NELL1: variants seen among roughly 807,000 people sequenced by gnomAD.
NELL1 encodes neural EGFL like 1, also known as protein kinase C-binding protein NELL1.
NELL1 carries 76 observed loss-of-function variants against 107.4 expected under a neutral mutation model. The observed-to-expected ratio is 0.71, with a 90% CI of 0.59 to 0.86. The LOEUF (loss-of-function observed/expected upper bound fraction) is 0.86, where lower values mean the gene tolerates loss of function less well. Ranked by LOEUF, NELL1 falls within the 40% of genes least tolerant of loss-of-function variation. The pLI is 0.00. For synonymous variants in NELL1, 353 were observed against 341.2 expected (o/e 1.03, Z -0.38); for missense variants, 1,024 against 1,005.5 (o/e 1.02, Z -0.25).
chr11:20,998,707 C>T (rs1852149277), intron 12 of NELL1, among the ~76,000 whole-genome samples: 1 of 152,166 alleles, frequency 6.6e-6, no homozygotes, highest in African/African-American at 2.4e-5. Context: ...TTCCATCTTC[C>T]TGCTGGTCAG....
At chr11:21,317,085 T>G (rs1185796511) in intron 14 of NELL1, among the ~76,000 whole-genome samples, 2 of 152,102 alleles carry the variant, frequency 1.3e-5, no homozygotes, top group African/African-American at 2.4e-5. Context: ...GAATTGATAA[T>G]AAGAATCATA....
intron 13 of NELL1, among the ~76,000 whole-genome samples, chr11:21,209,529 A>C (rs960098604): frequency 4.0e-5 from 6 of 151,892 alleles, no homozygotes; most frequent in Non-Finnish European, 8.8e-5. Context: ...CCTTCTTAAC[A>C]TATGGACAGA....
chr11:21,304,160 G>T (rs1349404667), intron 14 of NELL1, among the ~76,000 whole-genome samples: 1 of 151,980 alleles, frequency 6.6e-6, no homozygotes, highest in African/African-American at 2.4e-5. Context: ...ACTGATCATG[G>T]TTATAATACA....
chr11:21,429,111 C>T (rs1219157820), intron 15 of NELL1, among the ~76,000 whole-genome samples: 1 of 152,114 alleles, frequency 6.6e-6, no homozygotes, highest in Non-Finnish European at 1.5e-5. Context: ...TTTTAAGGCA[C>T]TAATGTGAAT....
At chr11:20,788,320 CA>C (rs1857008920) in intron 3 of NELL1, among the ~76,000 whole-genome samples, 1 of 152,226 alleles carries the variant, frequency 6.6e-6, no homozygotes, top group Admixed American at 6.5e-5. Flanking sequence ...TTCCCCGAAG[CA>C]GCGTTTGAGG....
At chr11:21,398,371 C>T (rs746366043) in intron 15 of NELL1, among the ~76,000 whole-genome samples, 1 of 151,660 alleles carries the variant, frequency 6.6e-6, no homozygotes, top group Non-Finnish European at 1.5e-5. Context: ...AATCTGAAAA[C>T]CTTGTGTGAT....
intron 9 of NELL1, among the ~76,000 whole-genome samples, chr11:20,933,864 C>A (rs140428047): frequency 6.6e-6 from 1 of 152,168 alleles, no homozygotes; most frequent in Non-Finnish European, 1.5e-5. Flanking sequence ...CTGCATAACT[C>A]TTTATATCCT....
chr11:21,425,914 G>A (rs1311341702), intron 15 of NELL1, among the ~76,000 whole-genome samples: 6 of 152,212 alleles, frequency 3.9e-5, no homozygotes, highest in Non-Finnish European at 8.8e-5. Context: ...ATCAAGAAAC[G>A]AGCAGTATAA....
At chr11:21,140,212 G>T (rs1475451957) in intron 13 of NELL1, among the ~76,000 whole-genome samples, 1 of 152,106 alleles carries the variant, frequency 6.6e-6, no homozygotes, top group East Asian at 1.9e-4. Context: ...ATGTGTGTGG[G>T]CACCCTAATG....
intron 13 of NELL1, among the ~76,000 whole-genome samples, chr11:21,122,808 TA>T (rs937972077): frequency 7.9e-5 from 12 of 151,144 alleles, no homozygotes; most frequent in Middle Eastern, 3.4e-3. Context: ...CTGAAAGAAT[TA>T]AAAAAAAACA....
At chr11:20,971,671 ACCTGGCTTAGAAAT>A (rs1851504551) in intron 12 of NELL1, among the ~76,000 whole-genome samples, 1 of 152,200 alleles carries the variant, frequency 6.6e-6, no homozygotes, top group African/African-American at 2.4e-5. Flanking sequence ...GATTTGGGGT[ACCTGGCTTAGAAAT>A]CCTGGCTTTA....
chr11:20,821,450 A>C (rs1253954744), intron 3 of NELL1, among the ~76,000 whole-genome samples: 1 of 152,164 alleles, frequency 6.6e-6, no homozygotes, highest in East Asian at 1.9e-4. Flanking sequence ...TTCTGCAGTG[A>C]CATTATCAGC....
At chr11:20,849,966 G>T (rs1339050920) in intron 4 of NELL1, among the ~76,000 whole-genome samples, 2 of 152,150 alleles carry the variant, frequency 1.3e-5, no homozygotes, top group Non-Finnish European at 2.9e-5. Context: ...TTCCATGCGG[G>T]CAGTCTACCC....
intron 13 of NELL1, among the ~76,000 whole-genome samples, chr11:21,117,515 T>A (rs1022949509): frequency 1.2e-4 from 19 of 152,032 alleles, no homozygotes; most frequent in Admixed American, 2.6e-4. Flanking sequence ...ATTGCTCACA[T>A]CTGTCGTACC....
chr11:20,676,544 A>C (rs914052229), intron 1 of NELL1, among the ~76,000 whole-genome samples: 1 of 152,226 alleles, frequency 6.6e-6, no homozygotes, highest in Non-Finnish European at 1.5e-5. Context: ...GAAACTGAGA[A>C]GGCAGTTATA....
chr11:21,468,678 T>C lies in NELL1; in HGVS notation c.1646-65696T>C, dbSNP rs545082004. 3.9e-5 allele frequency among the ~76,000 whole-genome samples: 6 copies of C among 152,044 alleles called. No homozygotes were observed. In the East Asian group the frequency reaches 5.8e-4, roughly 15 times the overall value. On this transcript the variant is annotated intron_variant, in intron 15 of 19. Coordinates refer to ENST00000357134, the MANE Select transcript of NELL1 (RefSeq NM_006157.5). Reference sequence around the variant, plus strand: ...ATGACCATACCTAAAGGGATCAAGATTGATAAAATTCGAAAGCCCTCTTTA... The same window carrying C: ...ATGACCATACCTAAAGGGATCAAGACTGATAAAATTCGAAAGCCCTCTTTA...
At chr11:20,880,817 G>T (rs1849393484) in intron 4 of NELL1, among the ~76,000 whole-genome samples, 1 of 152,146 alleles carries the variant, frequency 6.6e-6, no homozygotes, top group Admixed American at 6.5e-5. Context: ...CGGTCTTGTA[G>T]CTCTGTCCAC....
intron 5 of NELL1, among the ~76,000 whole-genome samples, chr11:20,893,205 C>T (rs753872989): frequency 1.3e-5 from 2 of 151,464 alleles, no homozygotes; most frequent in Non-Finnish European, 2.9e-5. Flanking sequence ...GGGAGTTTAA[C>T]ATTAAGAACA....
intron 13 of NELL1, among the ~76,000 whole-genome samples, chr11:21,224,634 T>C (rs1195201856): frequency 2.0e-5 from 3 of 152,206 alleles, no homozygotes; most frequent in African/African-American, 7.2e-5. Flanking sequence ...CCTTTTAGGC[T>C]TAATTTATTC....
Sources: gnomAD v4.1 joint callset for allele counts (sites outside exome capture counted in the v4.1 genomes callset) on GRCh38, gnomAD v4.1.1 for gene constraint, MANE v1.5 for transcripts, NCBI Gene and HGNC (gene_info 2026-07-23, HGNC 2026-07-21) for gene names.